GABBR2: variants seen among roughly 807,000 people sequenced by gnomAD.
GABBR2 encodes G-protein coupled receptor 51.
In GABBR2, 23 loss-of-function variants were observed where a neutral mutation model predicts 105.6. The ratio of observed to expected loss-of-function variants is 0.22; its 90% CI spans 0.16 to 0.31. The LOEUF (loss-of-function observed/expected upper bound fraction) is 0.31, where lower values mean the gene tolerates loss of function less well. Ranked by LOEUF, GABBR2 falls within the 10% of genes least tolerant of loss-of-function variation. GABBR2 has a pLI of 1.00. For synonymous variants in GABBR2, 478 were observed against 499.7 expected (o/e 0.96, Z 0.58); for missense variants, 734 against 1,245.5 (o/e 0.59, Z 6.18).
chr9:98,667,726 T>A (rs1830354430), intron 1 of GABBR2, among the ~76,000 whole-genome samples: 1 of 152,186 alleles, frequency 6.6e-6, no homozygotes, highest in South Asian at 2.1e-4. Context: ...CCCTGCAACA[T>A]AAAGCTCCTG....
At chr9:98,355,134 C>T (rs986014911) in intron 13 of GABBR2, among the ~76,000 whole-genome samples, 37 of 152,062 alleles carry the variant, frequency 2.4e-4, no homozygotes, top group African/African-American at 8.7e-4. Context: ...ACGCACAGAA[C>T]ACTTAACAAA....
At position 98,288,720 on chromosome 9, in the gene GABBR2, G is replaced by A. The variant is rs1564002393; in HGVS notation, c.*1864C>T. On this transcript the variant is annotated 3_prime_UTR_variant, in exon 19 of 19. Coordinates refer to ENST00000259455, the MANE Select transcript of GABBR2 (RefSeq NM_005458.8). ...CCTAAACAGAGAATGACTTCAACTT[G>A]ACCTGTGATGTGTTAACATTTTTTT... 6.6e-6 allele frequency: 1 copy of A among 152,548 alleles called. No homozygotes were observed. Among genetic ancestry groups the A allele is most frequent in the Non-Finnish European group, 1.5e-5 (1 of 68,032 alleles). The allele number at this position is 152,548 out of a possible 1,614,324, so 9.4% of individuals were successfully genotyped here.
In GABBR2 at chr9:98,602,049, G is replaced by A. The variant is rs747957826; in HGVS notation, c.322-23977C>T. ...AGAGTCTTGCTCTGTCACACAGGCCGGAGTGCAGTGGTGTGATGACAGCTC... is the reference window on the plus strand; with the variant it reads ...AGAGTCTTGCTCTGTCACACAGGCCAGAGTGCAGTGGTGTGATGACAGCTC... On this transcript the variant is annotated intron_variant, in intron 1 of 18. Transcript: ENST00000259455. Among the ~76,000 whole-genome samples, 11 of 152,090 alleles carry A rather than the reference G, an allele frequency of 7.2e-5. No individual in the cohort carries two copies. In the East Asian group the frequency reaches 7.7e-4, roughly 11 times the overall value.
chr9:98,584,624 C>A (rs985442262), intron 1 of GABBR2, among the ~76,000 whole-genome samples: 1 of 152,170 alleles, frequency 6.6e-6, no homozygotes, highest in African/African-American at 2.4e-5. Context: ...ATTTAAATCT[C>A]ATTTTTAAAG....
At chr9:98,476,861 G>C (rs1826804122) in intron 5 of GABBR2, among the ~76,000 whole-genome samples, 1 of 152,228 alleles carries the variant, frequency 6.6e-6, no homozygotes, top group African/African-American at 2.4e-5. Flanking sequence ...GACTTGGAAA[G>C]TAGGGCGCCT....
chr9:98,556,227 A>G (rs1339312132), intron 2 of GABBR2, among the ~76,000 whole-genome samples: 1 of 152,170 alleles, frequency 6.6e-6, no homozygotes, highest in Admixed American at 6.5e-5. Context: ...TCAACCAGAC[A>G]GGCCAAGCTT....
intron 13 of GABBR2, among the ~76,000 whole-genome samples, chr9:98,341,922 G>A (rs771018622): frequency 9.2e-5 from 14 of 152,204 alleles, no homozygotes; most frequent in Admixed American, 2.0e-4. Context: ...TGGACATATG[G>A]AGGCATGGGG....
At chr9:98,582,566 G>A (rs1011386193) in intron 1 of GABBR2, among the ~76,000 whole-genome samples, 44 of 152,128 alleles carry the variant, frequency 2.9e-4, no homozygotes, top group African/African-American at 1.1e-3. Flanking sequence ...CCAAATTTGT[G>A]GTGATCAGTT....
intron 1 of GABBR2, among the ~76,000 whole-genome samples, chr9:98,651,582 A>T (rs2131846163): frequency 6.6e-6 from 1 of 152,026 alleles, no homozygotes; most frequent in African/African-American, 2.4e-5. Flanking sequence ...TTACAAACAC[A>T]CACCATCAAC....
chr9:98,583,778 C>T (rs1202703469), intron 1 of GABBR2, among the ~76,000 whole-genome samples: 1 of 152,244 alleles, frequency 6.6e-6, no homozygotes, highest in East Asian at 1.9e-4. Flanking sequence ...TTCACAGGAT[C>T]TGTCCTTCCA....
intron 1 of GABBR2, among the ~76,000 whole-genome samples, chr9:98,662,414 T>C (rs1830275806): frequency 6.6e-6 from 1 of 152,136 alleles, no homozygotes; most frequent in South Asian, 2.1e-4. Flanking sequence ...TGGGGAAAGA[T>C]GAAGAGAGGC....
chr9:98,428,442 T>C (rs1457590183), intron 7 of GABBR2, among the ~76,000 whole-genome samples: 1 of 152,144 alleles, frequency 6.6e-6, no homozygotes, highest in African/African-American at 2.4e-5. Context: ...CTTGCCTATA[T>C]TGAACCAGAA....
At chr9:98,421,527 T>C (rs1437695331) in intron 7 of GABBR2, among the ~76,000 whole-genome samples, 2 of 152,226 alleles carry the variant, frequency 1.3e-5, no homozygotes, top group Non-Finnish European at 2.9e-5. Context: ...AATATTTATT[T>C]AGTTGTTTGG....
intron 1 of GABBR2, among the ~76,000 whole-genome samples, chr9:98,648,116 T>TGTGTGTGTGTGTGTGTGTGTGTGTGTAG: frequency 1.8e-5 from 1 of 55,948 alleles, no homozygotes; most frequent in Admixed American, 2.1e-4. Context: ...TGTGTGTGTG[T>TGTGTGTGTGTGTGTGTGTGTGTGTGTAG]ATAGATAGAT....
At chr9:98,651,230 G>A (rs909084541) in intron 1 of GABBR2, among the ~76,000 whole-genome samples, 2 of 147,012 alleles carry the variant, frequency 1.4e-5, no homozygotes, top group East Asian at 4.0e-4. Context: ...TGCAACCTCT[G>A]TCTCCTGGGT....
chr9:98,387,815 A>G (rs1832101394), intron 10 of GABBR2, among the ~76,000 whole-genome samples: 1 of 151,974 alleles, frequency 6.6e-6, no homozygotes, highest in Non-Finnish European at 1.5e-5. Context: ...TAATTAATTA[A>G]AAAACCAAGC....
At chr9:98,331,568 C>T (rs1401351431) in intron 13 of GABBR2, among the ~76,000 whole-genome samples, 2 of 152,148 alleles carry the variant, frequency 1.3e-5, no homozygotes, top group African/African-American at 4.8e-5. Context: ...AGATCAGGGG[C>T]TGCACCTAAC....
At chr9:98,426,551 T>G (rs1485273073) in intron 7 of GABBR2, among the ~76,000 whole-genome samples, 1 of 152,172 alleles carries the variant, frequency 6.6e-6, no homozygotes, top group African/African-American at 2.4e-5. Flanking sequence ...CAGACAGGTG[T>G]CCCTGGCATG....
At chr9:98,634,257 A>C (rs1256806903) in intron 1 of GABBR2, among the ~76,000 whole-genome samples, 1 of 152,200 alleles carries the variant, frequency 6.6e-6, no homozygotes, top group Non-Finnish European at 1.5e-5. Context: ...GGAACTTCTA[A>C]ATGTGAGCCC....
Sources: allele counts gnomAD v4.1 joint callset (sites outside exome capture counted in the v4.1 genomes callset), GRCh38; gene constraint gnomAD v4.1.1; transcripts MANE v1.5; gene names NCBI Gene and HGNC (gene_info 2026-07-23, HGNC 2026-07-21).